The following AGO1 variants were observed in gnomAD, a reference collection of about 807,000 sequenced individuals.
The protein encoded by AGO1 is argonaute RISC component 1, also known as protein argonaute-1.
AGO1 carries 11 observed loss-of-function variants against 109.2 expected under a neutral mutation model. The ratio of observed to expected loss-of-function variants is 0.10; its 90% CI spans 0.06 to 0.17. AGO1 has a LOEUF of 0.17. AGO1 is among the 10% of genes least tolerant of loss of function. The pLI is 1.00. For missense variants in AGO1, 574 were observed against 1,140.3 expected (o/e 0.50, Z 7.15); for synonymous variants, 422 against 418.6 (o/e 1.01, Z -0.10).
intron 12 of AGO1, among the ~76,000 whole-genome samples, chr1:35,912,360 G>GAAAAAAAAAAAAAAAAAAAAAAAAA (rs753525049): frequency 4.9e-5 from 2 of 40,612 alleles, no homozygotes; most frequent in African/African-American, 7.8e-5. Context: ...CTCTGTCTCA[G>GAAAAAAAAAAAAAAAAAAAAAAAAA]AAAAAAAAAA....
rs1645793335 is a variant in AGO1 at position 35,919,437 on chromosome 1, G to A, written c.2466-62G>A. The A allele has an allele frequency of 2.6e-6, 4 of 1,527,308 alleles. No homozygotes were observed. Among genetic ancestry groups the A allele is most frequent in the Non-Finnish European group, 3.6e-6 (4 of 1,120,770 alleles). 94.6% of individuals were successfully genotyped at this position (1,527,308 alleles called of 1,614,324 possible). On this transcript the variant is annotated intron_variant, in intron 18 of 18. Coordinates refer to ENST00000373204, the MANE Select transcript of AGO1 (RefSeq NM_012199.5). This position sits in a 1 kb window ranked among gnomAD's most constrained non-coding sequence, Gnocchi z 6.6. Reference sequence around the variant, plus strand: ...GGGAATTGGCATCCCAGGGCTGGGCGAGGGAATTAGCAGCAGCTCTCAGTT... The same window carrying A: ...GGGAATTGGCATCCCAGGGCTGGGCAAGGGAATTAGCAGCAGCTCTCAGTT...
chr1:35,908,244 T>G (rs1055867891), intron 12 of AGO1, among the ~76,000 whole-genome samples: 8 of 152,346 alleles, frequency 5.3e-5, no homozygotes, highest in African/African-American at 1.7e-4. Context: ...GGATTGCCAA[T>G]GACTTTTCTC....
At chr1:35,871,541 CAAAAAAAAAGA>C (rs1644951386) in intron 1 of AGO1, among the ~76,000 whole-genome samples, 1 of 138,156 alleles carries the variant, frequency 7.2e-6, no homozygotes, top group South Asian at 2.3e-4. Context: ...GACTCCGTCT[CAAAAAAAAAGA>C]AAAAAAAAAG....
At chr1:35,912,097 C>T (rs1389874256) in intron 12 of AGO1, among the ~76,000 whole-genome samples, 6 of 152,096 alleles carry the variant, frequency 3.9e-5, no homozygotes, top group Non-Finnish European at 4.4e-5. Context: ...GTGGCTCACG[C>T]GTGTAATCCC....
At chr1:35,915,936 G>C (rs994730278) in intron 15 of AGO1, among the ~76,000 whole-genome samples, 1 of 152,162 alleles carries the variant, frequency 6.6e-6, no homozygotes, top group Non-Finnish European at 1.5e-5. Flanking sequence ...AAGTTCTTAG[G>C]CGATGCTGAT....
In AGO1 at chr1:35,927,057, G is replaced by C. The variant is rs1197725041; in HGVS notation, c.*7450G>C. The C allele has an allele frequency of 6.6e-6, 1 of 150,846 alleles. No individual in the cohort carries two copies. The highest frequency in any genetic ancestry group is 1.5e-5 in the Non-Finnish European group (1 of 67,856). 9.3% of individuals were successfully genotyped at this position (150,846 alleles called of 1,614,324 possible). ...GGGAGGGAACTTTCCTCTTAAAAGA[G>C]ACAGTGGGAACTTTTAGCCAGGTTT... On this transcript the variant is annotated 3_prime_UTR_variant, in exon 19 of 19. Coordinates refer to ENST00000373204, the MANE Select transcript of AGO1 (RefSeq NM_012199.5).
chr1:35,906,845 T>C, intron 11 of AGO1, 90 bp from the exon 12 acceptor site: 2 of 1,163,234 alleles, frequency 1.7e-6, no homozygotes, highest in South Asian at 1.5e-5. Flanking sequence ...CAGTGCCTCT[T>C]ATAGTGCTAA....
Position 35,913,834 on chromosome 1 carries a change from G to A in AGO1, c.1583-8G>A, listed in dbSNP as rs1172037375. The A allele has an allele frequency of 6.2e-7, 1 of 1,613,242 alleles. No individual in the cohort carries two copies. Among genetic ancestry groups the A allele is most frequent in the East Asian group, 2.2e-5 (1 of 44,862 alleles). On this transcript the variant is annotated splice_region_variant and splice_polypyrimidine_tract_variant and intron_variant, in intron 12 of 18. Transcript: ENST00000373204. ...GAATGCACTAATCATTTCTCTCCCT[G>A]CCCTTAGCTGAGGTGAAACGTGTCG...
At chr1:35,905,348 T>A (rs1185544702) in intron 11 of AGO1, among the ~76,000 whole-genome samples, 6 of 152,196 alleles carry the variant, frequency 3.9e-5, no homozygotes, top group Admixed American at 6.5e-5. Flanking sequence ...TTTTGAAAAA[T>A]TTTTTTAAGA....
In AGO1 at chr1:35,888,330, C is replaced by G; in HGVS notation, c.26-97C>G. 1 of 1,296,394 alleles carries G rather than the reference C, an allele frequency of 7.7e-7. No homozygotes were observed. The highest frequency in any genetic ancestry group is 1.4e-5 in the South Asian group (1 of 72,938). The allele number at this position is 1,296,394 out of a possible 1,614,324, so 80.3% of individuals were successfully genotyped here. On this transcript the variant is annotated intron_variant, in intron 1 of 18. Coordinates refer to ENST00000373204, the MANE Select transcript of AGO1 (RefSeq NM_012199.5). The surrounding 1 kb of genome is among the most constrained non-coding windows in gnomAD (Gnocchi z 4.1). The stretch of plus-strand genomic sequence containing the variant: ...TAGCAGGAAAGAGGCATTCTCTATA[C>G]TCTCGTGTTCCTGTTCTGGGAGGCC...
In AGO1 at chr1:35,924,896, G is replaced by A. The variant is rs1302059480; in HGVS notation, c.*5289G>A. 2 of 152,144 alleles carry A rather than the reference G, an allele frequency of 1.3e-5. No individual in the cohort carries two copies. The highest frequency in any genetic ancestry group is 2.9e-5 in the Non-Finnish European group (2 of 68,032). The allele number at this position is 152,144 out of a possible 1,614,324, so 9.4% of individuals were successfully genotyped here. ...CCAGTAAACACAGGTTGGTGCTCAG[G>A]TAAGACTGTAAAACTGCATTTATAG... On this transcript the variant is annotated 3_prime_UTR_variant, in exon 19 of 19. Coordinates refer to ENST00000373204, the MANE Select transcript of AGO1 (RefSeq NM_012199.5).
chr1:35,888,156 T>A lies in AGO1; in HGVS notation c.26-271T>A, dbSNP rs1198292871. Among the ~76,000 whole-genome samples, 2 of 152,186 alleles carry A rather than the reference T, an allele frequency of 1.3e-5. No individual in the cohort carries two copies. The highest frequency in any genetic ancestry group is 2.9e-5 in the Non-Finnish European group (2 of 68,032). Reference sequence around the variant, plus strand: ...CCAGATTTAGTCTCTCTGCTTAACATGCAATAGGAACTTATTATATATTAA... The same window carrying A: ...CCAGATTTAGTCTCTCTGCTTAACAAGCAATAGGAACTTATTATATATTAA... On this transcript the variant is annotated intron_variant, in intron 1 of 18. Coordinates refer to ENST00000373204, the MANE Select transcript of AGO1 (RefSeq NM_012199.5). The surrounding 1 kb of genome is among the most constrained non-coding windows in gnomAD (Gnocchi z 4.1).
In AGO1 at chr1:35,920,844, A is replaced by C. The variant is rs1645819305; in HGVS notation, c.*1237A>C. The C allele has an allele frequency of 6.6e-6, 1 of 152,650 alleles. No individual in the cohort carries two copies. The highest frequency in any genetic ancestry group is 2.4e-5 in the African/African-American group (1 of 41,450). The allele number at this position is 152,650 out of a possible 1,614,324, so 9.5% of individuals were successfully genotyped here. ...AACTCTTAGGTCTAAAATGAGAAAA[A>C]AGAGAGAAAACAAAATGTTATTTTT... On this transcript the variant is annotated 3_prime_UTR_variant, in exon 19 of 19. Coordinates refer to ENST00000373204, the MANE Select transcript of AGO1 (RefSeq NM_012199.5).
chr1:35,893,266 T>C lies in AGO1; in HGVS notation c.500T>C (p.Leu167Pro). Residue 167 changes from leucine to proline, a missense_variant, in exon 4 of 19, where the codon CTG (leucine) becomes CCG (proline). Coordinates refer to ENST00000373204, the MANE Select transcript of AGO1 (RefSeq NM_012199.5). The surrounding 1 kb of genome is among the most constrained non-coding windows in gnomAD (Gnocchi z 5.6). The stretch of plus-strand genomic sequence containing the variant: ...GCCCTGGATGTGGCCATGAGGCACC[T>C]GGCATCCATGAGGTATTGGGTGTAG... ...VQALDVAMRH[L>P]ASMRYTPVGR... is the part of the protein sequence containing the mutation. 1 of 1,613,848 alleles carries C rather than the reference T, an allele frequency of 6.2e-7. No individual in the cohort carries two copies. The highest frequency in any genetic ancestry group is 8.5e-7 in the Non-Finnish European group (1 of 1,179,862).
At chr1:35,891,385 A>G (rs1459789195) in intron 2 of AGO1, among the ~76,000 whole-genome samples, 1 of 152,182 alleles carries the variant, frequency 6.6e-6, no homozygotes. Context: ...TGGTGAGACT[A>G]AGTGCTTCAG....
At chr1:35,903,327 T>C (rs1378149553) in intron 11 of AGO1, among the ~76,000 whole-genome samples, 1 of 151,776 alleles carries the variant, frequency 6.6e-6, no homozygotes, top group Non-Finnish European at 1.5e-5. Context: ...TTAAGTTTTA[T>C]TGAGATAGGT....
intron 8 of AGO1, among the ~76,000 whole-genome samples, chr1:35,900,726 T>C (rs943668856): frequency 6.6e-6 from 1 of 151,330 alleles, no homozygotes; most frequent in African/African-American, 2.4e-5. Context: ...AAACTCCCTC[T>C]CAAAAATAAA....
intron 8 of AGO1, among the ~76,000 whole-genome samples, chr1:35,899,060 T>G (rs1645370152): frequency 6.6e-6 from 1 of 152,228 alleles, no homozygotes; most frequent in Non-Finnish European, 1.5e-5. Flanking sequence ...CTCCCTCCTT[T>G]TAACCCCTAG....
upstream of AGO1, among the ~76,000 whole-genome samples, chr1:35,879,676 A>G (rs141858294): frequency 2.8e-4 from 34 of 122,052 alleles, no homozygotes; most frequent in African/African-American, 1.0e-3. Flanking sequence ...CAGAGGCTGC[A>G]GTGACCCAAG....
Sources: gnomAD v4.1 joint callset for allele counts (sites outside exome capture counted in the v4.1 genomes callset) on GRCh38, gnomAD v4.1.1 for gene constraint, Gnocchi (gnomAD v3.1) non-coding constraint, MANE v1.5 for transcripts, NCBI Gene and HGNC (gene_info 2026-07-23, HGNC 2026-07-21) for gene names.